The following POU2F1 variants were observed in gnomAD, a reference collection of about 807,000 sequenced individuals.
The protein encoded by POU2F1 is POU domain, class 2, transcription factor 1.
In POU2F1, 16 loss-of-function variants were observed where a neutral mutation model predicts 84.9. The ratio of observed to expected loss-of-function variants is 0.19; its 90% CI spans 0.13 to 0.29. The LOEUF is 0.29. Among genes scored for constraint, POU2F1 ranks in the 10% least tolerant of loss-of-function variants. The pLI, the probability that POU2F1 is intolerant of heterozygous loss-of-function variation, is 1.00. For missense variants in POU2F1, 738 were observed against 942.6 expected (o/e 0.78, Z 2.84); for synonymous variants, 368 against 368.3 (o/e 1.00, Z 0.01).
chr1:167,310,489 A>G (rs2102598617), intron 1 of POU2F1, among the ~76,000 whole-genome samples: 1 of 152,266 alleles, frequency 6.6e-6, no homozygotes, highest in South Asian at 2.1e-4. Flanking sequence ...TGCCAGTCAA[A>G]TAGTATAAAA....
At chr1:167,316,115 G>A (rs906218270) in intron 1 of POU2F1, among the ~76,000 whole-genome samples, 2 of 152,136 alleles carry the variant, frequency 1.3e-5, no homozygotes, top group South Asian at 2.1e-4. Flanking sequence ...GTAGCAGGAC[G>A]GAATTCTTTG....
intron 1 of POU2F1, among the ~76,000 whole-genome samples, chr1:167,287,359 T>G (rs1653604058): frequency 1.3e-5 from 2 of 152,212 alleles, no homozygotes; most frequent in Non-Finnish European, 2.9e-5. Flanking sequence ...ATATGGCCTT[T>G]CTGAAGGAAT....
chr1:167,280,401 A>G (rs556551682), intron 1 of POU2F1, among the ~76,000 whole-genome samples: 7 of 143,698 alleles, frequency 4.9e-5, no homozygotes, highest in Non-Finnish European at 1.1e-4. Flanking sequence ...TAGCTAGTCT[A>G]TTCATTTGGA....
intron 1 of POU2F1, among the ~76,000 whole-genome samples, chr1:167,309,189 T>C (rs1655291989): frequency 1.3e-5 from 2 of 152,064 alleles, no homozygotes; most frequent in South Asian, 4.1e-4. Context: ...CCAAGTATGG[T>C]TATTGCTGTA....
intron 1 of POU2F1, among the ~76,000 whole-genome samples, chr1:167,231,914 T>C (rs963657421): frequency 1.3e-5 from 2 of 152,284 alleles, no homozygotes; most frequent in Admixed American, 6.5e-5. Context: ...GGGAACACTA[T>C]GCAGACATCT....
intron 1 of POU2F1, among the ~76,000 whole-genome samples, chr1:167,302,260 T>TC (rs1459900683): frequency 3.1e-4 from 47 of 151,402 alleles, no homozygotes; most frequent in African/African-American, 1.1e-3. Flanking sequence ...ATTTTTTTTT[T>TC]CTTTTCTTTT....
intron 8 of POU2F1, among the ~76,000 whole-genome samples, chr1:167,385,139 A>C (rs368655780): frequency 6.6e-6 from 1 of 152,314 alleles, no homozygotes; most frequent in South Asian, 2.1e-4. Context: ...GCCTATACAA[A>C]TAGTTCTATA....
intron 1 of POU2F1, among the ~76,000 whole-genome samples, chr1:167,280,937 G>C (rs1232966952): frequency 1.3e-5 from 2 of 152,160 alleles, no homozygotes; most frequent in Non-Finnish European, 2.9e-5. Context: ...CTTTTAAAGT[G>C]CCTGGTAACA....
At chr1:167,413,253 G>A in intron 15 of POU2F1, 139 bp downstream of exon 15, 2 of 736,844 alleles carry the variant, frequency 2.7e-6, no homozygotes, top group Non-Finnish European at 4.4e-6. Flanking sequence ...AGAGTCAAAT[G>A]CTGACTAACT....
chr1:167,313,676 G>T (rs1000204858), intron 1 of POU2F1, among the ~76,000 whole-genome samples: 1 of 152,144 alleles, frequency 6.6e-6, no homozygotes, highest in Non-Finnish European at 1.5e-5. Flanking sequence ...CAGGATGCAG[G>T]ATTTGATGAA....
chr1:167,237,276 C>T (rs1404020730), intron 1 of POU2F1, among the ~76,000 whole-genome samples: 2 of 152,076 alleles, frequency 1.3e-5, no homozygotes, highest in African/African-American at 4.8e-5. Context: ...AAACGCCTAC[C>T]TAGACTTTCT....
At chr1:167,386,707 C>T (rs770960901) in intron 8 of POU2F1, among the ~76,000 whole-genome samples, 46 of 152,134 alleles carry the variant, frequency 3.0e-4, no homozygotes, top group Non-Finnish European at 5.9e-4. Context: ...TAAAAAGAAA[C>T]GTGCTTCTGA....
intron 5 of POU2F1, among the ~76,000 whole-genome samples, chr1:167,373,282 A>C (rs539689998): frequency 6.6e-6 from 1 of 152,334 alleles, no homozygotes; most frequent in South Asian, 2.1e-4. Flanking sequence ...AGTAGAACAC[A>C]TTTACTACTT....
intron 13 of POU2F1, among the ~76,000 whole-genome samples, chr1:167,411,712 A>G (rs552386441): frequency 1.3e-5 from 2 of 152,358 alleles, no homozygotes; most frequent in South Asian, 4.1e-4. Flanking sequence ...AATAGGAAAC[A>G]GGCAATGGAA....
intron 1 of POU2F1, among the ~76,000 whole-genome samples, chr1:167,310,741 T>C (rs927873624): frequency 6.6e-6 from 1 of 152,160 alleles, no homozygotes; most frequent in African/African-American, 2.4e-5. Context: ...TGAGTAATTA[T>C]GGACACACTT....
chr1:167,259,783 C>A (rs940503291), intron 1 of POU2F1, among the ~76,000 whole-genome samples: 5 of 152,070 alleles, frequency 3.3e-5, no homozygotes, highest in African/African-American at 1.2e-4. Flanking sequence ...TTGCCAGCCT[C>A]ATTGCACATG....
Position 167,376,171 on chromosome 1 carries a change from G to A in POU2F1, c.718+16G>A, listed in dbSNP as rs1660313225. 1 of 1,613,778 alleles carries A rather than the reference G, an allele frequency of 6.2e-7. No homozygotes were observed. The highest frequency in any genetic ancestry group is 1.3e-5 in the African/African-American group (1 of 75,022). On this transcript the variant is annotated intron_variant, in intron 7 of 15. Transcript: ENST00000367866. Reference sequence around the variant, plus strand: ...GGCCAGCAGGGTGAGCTCCTCCTTAGAGCTTATTAGTGGTATACCAAGGCT... The same window carrying A: ...GGCCAGCAGGGTGAGCTCCTCCTTAAAGCTTATTAGTGGTATACCAAGGCT...
chr1:167,293,579 C>T (rs1250284443), intron 1 of POU2F1, among the ~76,000 whole-genome samples: 2 of 152,138 alleles, frequency 1.3e-5, no homozygotes, highest in Non-Finnish European at 2.9e-5. Flanking sequence ...ATACCAACAT[C>T]ATTTTTCATG....
rs1424677540 is a variant in POU2F1, at chr1:167,424,616, C to CT, written c.*8807dup. 3 of 152,280 alleles carry CT rather than the reference C, an allele frequency of 2.0e-5. No homozygotes were observed. Among genetic ancestry groups the CT allele is most frequent in the African/African-American group, 7.2e-5 (3 of 41,460 alleles). The allele number at this position is 152,280 out of a possible 1,614,324, so 9.4% of individuals were successfully genotyped here. A position where few individuals can be genotyped will look rare whatever the true frequency, so the allele number is the denominator to read the frequency against. On this transcript the variant is annotated 3_prime_UTR_variant, in exon 16 of 16. Transcript: ENST00000367866. ...CCTCCCTCCTCAGTCATGTTAAACT[C>CT]TGGCCTATAGCATCATGGGACCTGT...
Sources: allele counts gnomAD v4.1 joint callset (sites outside exome capture counted in the v4.1 genomes callset), GRCh38; gene constraint gnomAD v4.1.1; transcripts MANE v1.5; gene names NCBI Gene and HGNC (gene_info 2026-07-23, HGNC 2026-07-21).